Variants in RASGRP1 observed in about 807,000 individuals in gnomAD.
RASGRP1 encodes RAS guanyl releasing protein 1, also known as RAS guanyl-releasing protein 1.
In RASGRP1, 37 loss-of-function variants were observed where a neutral mutation model predicts 95.1. That is an observed-to-expected ratio of 0.39 (90% confidence interval 0.30 to 0.51). The LOEUF (loss-of-function observed/expected upper bound fraction) is 0.51. Ranked by LOEUF, RASGRP1 falls within the 20% of genes least tolerant of loss-of-function variation. RASGRP1 has a pLI of 0.80. For synonymous variants in RASGRP1, 325 were observed against 353.4 expected (o/e 0.92, Z 0.90); for missense variants, 711 against 965.4 (o/e 0.74, Z 3.49).
chr15:38,508,341 G>A (rs1157823964), intron 8 of RASGRP1, among the ~76,000 whole-genome samples: 1 of 152,114 alleles, frequency 6.6e-6, no homozygotes, highest in African/African-American at 2.4e-5. Context: ...AATATATAGT[G>A]AACACTATCC....
intron 6 of RASGRP1, among the ~76,000 whole-genome samples, chr15:38,514,008 A>G (rs1369595288): frequency 6.6e-6 from 1 of 152,160 alleles, no homozygotes; most frequent in Non-Finnish European, 1.5e-5. Flanking sequence ...AGCCTCCATC[A>G]TCTGGGTTCC....
chr15:38,538,856 TCACAC>T (rs779291488), intron 2 of RASGRP1, among the ~76,000 whole-genome samples: 8 of 152,192 alleles, frequency 5.3e-5, no homozygotes, highest in Non-Finnish European at 1.0e-4. Context: ...TGAACTGAGT[TCACAC>T]CACGGATGTC....
rs773574536 is a variant in RASGRP1, at chr15:38,498,803, G to C, written c.1864C>G (p.Leu622Val). 1.2e-6 allele frequency: 2 copies of C among 1,613,326 alleles called. No homozygotes were observed. The highest frequency in any genetic ancestry group is 2.2e-5 in the South Asian group (2 of 91,032). The change falls in exon 15 of 17, where the codon CTG (leucine) becomes GTG (valine). Residue 622 changes from leucine (L) to valine (V), a missense_variant. This residue lies in a region of RASGRP1 where 212 missense variants were observed against 247.8 expected (regional missense o/e 0.86). Coordinates refer to ENST00000310803, the MANE Select transcript of RASGRP1 (RefSeq NM_005739.4). ...CCCAGTGCCTACTTACCATGGAGCA[G>C]ATCTTTGGCTCCCAATGAGCAAAGG... Reference protein sequence around the residue: ...SNLCSLGAKDLLHAPEEGPFT... With the variant: ...SNLCSLGAKDVLHAPEEGPFT...
intron 5 of RASGRP1, among the ~76,000 whole-genome samples, chr15:38,517,924 C>T (rs1236531116): frequency 2.0e-5 from 3 of 152,178 alleles, no homozygotes; most frequent in African/African-American, 7.2e-5. Flanking sequence ...AGTCCTGTCC[C>T]ATTTACAAGT....
rs550027530 is a variant in RASGRP1 at position 38,499,042 on chromosome 15, CAT to C, written c.1721-98_1721-97del. Reference sequence around the variant, plus strand: ...ATTCATGCAGTGCTTTCTTGTCACACATGTCTGTTCTATCTTCTGGAGCTAAG... The same window carrying C: ...ATTCATGCAGTGCTTTCTTGTCACACGTCTGTTCTATCTTCTGGAGCTAAG... On this transcript the variant is annotated intron_variant, in intron 14 of 16. Coordinates refer to ENST00000310803, the MANE Select transcript of RASGRP1 (RefSeq NM_005739.4). 109 of 1,482,582 alleles carry C rather than the reference CAT, an allele frequency of 7.4e-5. No individual in the cohort carries two copies. In the East Asian group the frequency reaches 1.5e-3, roughly 20 times the overall value. 91.8% of individuals were successfully genotyped at this position (1,482,582 alleles called of 1,614,324 possible).
At chr15:38,546,939 C>T (rs755943243) in intron 2 of RASGRP1, among the ~76,000 whole-genome samples, 8 of 152,130 alleles carry the variant, frequency 5.3e-5, no homozygotes, top group Non-Finnish European at 8.8e-5. Flanking sequence ...TTATTGAAGT[C>T]CTGTTTGTCT....
At chr15:38,542,960 CAT>C (rs1335953898) in intron 2 of RASGRP1, among the ~76,000 whole-genome samples, 1 of 143,158 alleles carries the variant, frequency 7.0e-6, no homozygotes, top group Non-Finnish European at 1.5e-5. Flanking sequence ...TACACACATA[CAT>C]ATATATATTC....
Sources: allele counts gnomAD v4.1 joint callset (sites outside exome capture counted in the v4.1 genomes callset), GRCh38; gene constraint gnomAD v4.1.1; regional missense constraint gnomAD v4.1.1; transcripts MANE v1.5; gene names NCBI Gene and HGNC (gene_info 2026-07-23, HGNC 2026-07-21).